SYNE1: variants seen among roughly 807,000 people sequenced by gnomAD.
SYNE1 encodes the protein spectrin repeat containing nuclear envelope protein 1, also known as nesprin-1.
In SYNE1, 616 loss-of-function variants were observed where a neutral mutation model predicts 1,111.0. The observed-to-expected ratio is 0.55, with a 90% CI of 0.52 to 0.59. The LOEUF (loss-of-function observed/expected upper bound fraction) is 0.59. Among genes scored for constraint, SYNE1 ranks in the 20% least tolerant of loss-of-function variants. The probability of loss-of-function intolerance (pLI) is 0.00; values close to 1 mark genes in which losing one functional copy is unlikely to be tolerated. For missense variants in SYNE1, 10,006 were observed against 10,417.0 expected (o/e 0.96, Z 1.72); for synonymous variants, 3,855 against 3,825.8 (o/e 1.01, Z -0.28).
chr6:152,619,745 G>A (rs1347248121), intron 3 of SYNE1, among the ~76,000 whole-genome samples: 1 of 151,372 alleles, frequency 6.6e-6, no homozygotes, highest in Admixed American at 6.6e-5. Flanking sequence ...ACACACAAGT[G>A]TCCAAGATGG....
chr6:152,370,104 T>C (rs750781808), intron 59 of SYNE1, among the ~76,000 whole-genome samples: 2 of 152,032 alleles, frequency 1.3e-5, no homozygotes, highest in Non-Finnish European at 1.5e-5. Context: ...TTAAGAACTT[T>C]TTAGGGTTCT....
intron 76 of SYNE1, chr6:152,336,219 C>G (rs1381319908): frequency 1.2e-5 from 2 of 160,460 alleles, no homozygotes; most frequent in Non-Finnish European, 2.8e-5. Flanking sequence ...ACTCTGTAGA[C>G]TAAATCACAC....
intron 88 of SYNE1, 37 bp downstream of exon 88, chr6:152,310,651 A>G (rs1374859796): frequency 6.2e-7 from 1 of 1,609,740 alleles, no homozygotes; most frequent in East Asian, 2.2e-5. Flanking sequence ...TCAATGATAG[A>G]CATTTTTTTC....
At position 152,293,766 on chromosome 6, in the gene SYNE1, A is replaced by G. The variant is rs1005886069; in HGVS notation, c.17851-17T>C. On this transcript the variant is annotated splice_polypyrimidine_tract_variant and intron_variant, in intron 94 of 145. Coordinates refer to ENST00000367255, the MANE Select transcript of SYNE1 (RefSeq NM_182961.4). ...CTCACTGATCTACACCAGAAAAGGGATATTACCAAATGCTTCCCAGCCCCT... is the reference window on the plus strand; with the variant it reads ...CTCACTGATCTACACCAGAAAAGGGGTATTACCAAATGCTTCCCAGCCCCT... 4.3e-6 allele frequency: 7 copies of G among 1,613,946 alleles called. No individual in the cohort carries two copies. The African/African-American group carries it at 9.3e-5, about 22-fold the overall frequency.
chr6:152,211,568 G>A lies in SYNE1; in HGVS notation c.22515C>T (p.Phe7505=), dbSNP rs1452751760. The change falls in exon 124 of 146, where the codon TTC becomes TTT. Residue 7505 remains phenylalanine, a synonymous_variant. Transcript: ENST00000367255. Reference sequence around the variant, plus strand: ...TTGAGTGCAAAATCTGCTGACGACTGAACATCTCGGCTTGAAACAACTATA... The same window carrying A: ...TTGAGTGCAAAATCTGCTGACGACTAAACATCTCGGCTTGAAACAACTATA... ...RAHELFQAEM[F]SRQQILHSII... 2.2e-5 allele frequency: 35 copies of A among 1,613,518 alleles called. No individual in the cohort carries two copies. Among genetic ancestry groups the A allele is most frequent in the Non-Finnish European group, 2.8e-5 (33 of 1,179,790 alleles).
chr6:152,302,469 A>G (rs1355846333), intron 91 of SYNE1, among the ~76,000 whole-genome samples: 1 of 152,232 alleles, frequency 6.6e-6, no homozygotes, highest in African/African-American at 2.4e-5. Context: ...TGTGATGGCT[A>G]AAACCACACC....
At chr6:152,251,471 A>C (rs1419051702) in intron 104 of SYNE1, among the ~76,000 whole-genome samples, 1 of 151,962 alleles carries the variant, frequency 6.6e-6, no homozygotes, top group African/African-American at 2.4e-5. Context: ...TAAAAATAAA[A>C]ATGCAGGCCG....
rs2097179642 is a variant in SYNE1 at position 152,371,535 on chromosome 6, A to G, written c.9507+1502T>C. ...ACTAATACACCACAAAACAGGGCAAATGGGGGACCATGATCAGGAATTTAG... is the reference window on the plus strand; with the variant it reads ...ACTAATACACCACAAAACAGGGCAAGTGGGGGACCATGATCAGGAATTTAG... On this transcript the variant is annotated intron_variant, in intron 59 of 145. Transcript: ENST00000367255. 2.1e-5 allele frequency among the ~76,000 whole-genome samples: 3 copies of G among 141,978 alleles called. No individual in the cohort carries two copies. In the Admixed American group the frequency reaches 2.1e-4, roughly 10 times the overall value. The allele number at this position is 141,978 out of a possible 152,430, so 93.1% of individuals were successfully genotyped here.
chr6:152,358,903 A>G (rs564116128), intron 65 of SYNE1, among the ~76,000 whole-genome samples: 1 of 152,328 alleles, frequency 6.6e-6, no homozygotes, highest in Admixed American at 6.5e-5. Context: ...TGTGGATTAA[A>G]TTTTCCATAG....
rs1236522134 is a variant in SYNE1 at position 152,122,159 on chromosome 6, G to C, written c.*277C>G. On this transcript the variant is annotated 3_prime_UTR_variant, in exon 146 of 146. Transcript: ENST00000367255. ...AGGGCCCAGAATTCATGAGTCCGGG[G>C]AACTTTGGAGGTCCTTACTCAATCT... 2.1e-6 allele frequency: 1 copy of C among 477,254 alleles called. No homozygotes were observed. The highest frequency in any genetic ancestry group is 2.0e-5 in the African/African-American group (1 of 50,942). The allele number at this position is 477,254 out of a possible 1,614,324, so 29.6% of individuals were successfully genotyped here. A position where few individuals can be genotyped will look rare whatever the true frequency, so the allele number is the denominator to read the frequency against.
chr6:152,601,776 G>T (rs1277372142), intron 3 of SYNE1, among the ~76,000 whole-genome samples: 1 of 152,184 alleles, frequency 6.6e-6, no homozygotes, highest in Non-Finnish European at 1.5e-5. Context: ...TTCCTAAGAT[G>T]AGATCCCAGC....
intron 56 of SYNE1, among the ~76,000 whole-genome samples, chr6:152,379,368 TTA>T (rs1270176174): frequency 1.3e-5 from 2 of 152,076 alleles, no homozygotes; most frequent in African/African-American, 4.8e-5. Context: ...GTAAATAGAA[TTA>T]TTTTTACAAT....
At chr6:152,308,047 G>T (rs899923539) in intron 91 of SYNE1, among the ~76,000 whole-genome samples, 1 of 152,056 alleles carries the variant, frequency 6.6e-6, no homozygotes, top group Non-Finnish European at 1.5e-5. Context: ...TGTCCAGGAT[G>T]GTCTCCATCT....
rs765351426 is a variant in SYNE1, at chr6:152,330,080, T to C, written c.14605A>G (p.Thr4869Ala). ...QSWQGELKLLTSAIGETVTEC... is the reference protein window; with the variant it reads ...QSWQGELKLLASAIGETVTEC... ...GTCACCGTCTCACCAATGGCAGAAG[T>C]CAACAGTTTTAACTCCCCTTGCCAG... The change falls in exon 78 of 146, where the codon ACT becomes GCT. Residue 4869 changes from threonine to alanine, a missense_variant. Around this residue, in one of 7 missense-constraint regions of SYNE1, gnomAD observed 4,955 missense variants for 5,017.2 expected, o/e 0.99. Transcript: ENST00000367255. 2.5e-6 allele frequency: 4 copies of C among 1,614,146 alleles called. No homozygotes were observed. In the South Asian group the frequency reaches 4.4e-5, roughly 18 times the overall value.
intron 38 of SYNE1, 46 bp from the exon 39 acceptor site, chr6:152,425,593 A>G (rs1405435022): frequency 6.2e-7 from 1 of 1,611,108 alleles, no homozygotes. Flanking sequence ...CAGGACTGAA[A>G]AGTAAGGACC....
chr6:152,423,320 A>T (rs569859366), intron 39 of SYNE1, among the ~76,000 whole-genome samples: 2 of 152,324 alleles, frequency 1.3e-5, no homozygotes, highest in South Asian at 4.1e-4. Flanking sequence ...TCCATCCTGA[A>T]GGCTCCTGTG....
intron 46 of SYNE1, among the ~76,000 whole-genome samples, chr6:152,403,498 A>T (rs1354408264): frequency 6.6e-6 from 1 of 152,178 alleles, no homozygotes; most frequent in Admixed American, 6.5e-5. Flanking sequence ...AGGCAGGCAG[A>T]TTGCATGAGC....
intron 4 of SYNE1, among the ~76,000 whole-genome samples, chr6:152,531,965 G>A (rs1320005295): frequency 6.6e-6 from 1 of 152,154 alleles, no homozygotes; most frequent in Non-Finnish European, 1.5e-5. Flanking sequence ...GAGCGTGAGT[G>A]TATTAATATC....
chr6:152,142,355 A>G (rs1381955180), intron 138 of SYNE1, among the ~76,000 whole-genome samples: 4 of 152,228 alleles, frequency 2.6e-5, no homozygotes, highest in East Asian at 1.9e-4. Context: ...TAATGTTACG[A>G]CAAATCTCAT....
Sources: allele counts gnomAD v4.1 joint callset (sites outside exome capture counted in the v4.1 genomes callset), GRCh38; gene constraint gnomAD v4.1.1; regional missense constraint gnomAD v4.1.1; transcripts MANE v1.5; gene names NCBI Gene and HGNC (gene_info 2026-07-23, HGNC 2026-07-21).